Variants in PTH2R observed in about 807,000 individuals in gnomAD.
PTH2R encodes the protein parathyroid hormone 2 receptor.
Under a neutral mutation model 60.3 loss-of-function variants are expected in PTH2R, and 59 were observed. That is an observed-to-expected ratio of 0.98 (90% CI 0.79 to 1.22). The LOEUF is 1.22. PTH2R is among the 50% of genes most tolerant of loss of function. The pLI is 0.00. For missense variants in PTH2R, 749 were observed against 682.6 expected, an observed-to-expected ratio of 1.10 and a Z score of -1.08; for synonymous variants, 256 against 243.8, an observed-to-expected ratio of 1.05 and a Z score of -0.47.
chr2:208,441,666 G>A (rs1445800740), intron 4 of PTH2R, among the ~76,000 whole-genome samples: 1 of 152,216 alleles, frequency 6.6e-6, no homozygotes, highest in Non-Finnish European at 1.5e-5. Context: ...TTGGCATGGT[G>A]GAGAGGAGGA....
At chr2:208,425,483 C>G (rs552252442) in intron 1 of PTH2R, among the ~76,000 whole-genome samples, 4 of 152,208 alleles carry the variant, frequency 2.6e-5, no homozygotes, top group Admixed American at 1.3e-4. Flanking sequence ...TAATCTACCT[C>G]TTAATTTGCA....
chr2:208,377,450 G>T (rs1431579045), intron 1 of PTH2R, among the ~76,000 whole-genome samples: 1 of 127,346 alleles, frequency 7.9e-6, no homozygotes, highest in Non-Finnish European at 1.8e-5. Context: ...AGGGGCGGCC[G>T]GGCAGAGGTG....
intron 1 of PTH2R, among the ~76,000 whole-genome samples, chr2:208,370,141 T>C (rs1418649052): frequency 6.6e-6 from 1 of 151,998 alleles, no homozygotes; most frequent in Non-Finnish European, 1.5e-5. Flanking sequence ...GTCTAATCTA[T>C]ATCATTTAAA....
chr2:208,419,610 C>A (rs1701710491), intron 1 of PTH2R, among the ~76,000 whole-genome samples: 1 of 152,182 alleles, frequency 6.6e-6, no homozygotes, highest in South Asian at 2.1e-4. Flanking sequence ...TGCCTATGTC[C>A]TGAATGGTAT....
chr2:208,457,892 C>T (rs1195022676), intron 8 of PTH2R, among the ~76,000 whole-genome samples: 1 of 152,094 alleles, frequency 6.6e-6, no homozygotes, highest in Non-Finnish European at 1.5e-5. Context: ...ATAGCTTGCT[C>T]ATTAATAAAA....
intron 4 of PTH2R, among the ~76,000 whole-genome samples, chr2:208,438,974 A>G (rs1702130816): frequency 6.6e-6 from 1 of 152,206 alleles, no homozygotes; most frequent in Non-Finnish European, 1.5e-5. Flanking sequence ...GGTACTCTAC[A>G]ATGGAACTAA....
chr2:208,437,784 C>G lies in PTH2R; in HGVS notation c.314C>G (p.Pro105Arg). Residue 105 changes from proline to arginine, a missense_variant, in exon 4 of 13, where the codon CCC (proline) becomes CGC (arginine). Physicochemically the swap from Pro to Arg is moderately radical, Grantham distance 103. Transcript: ENST00000272847. Reference sequence around the variant, plus strand: ...GGAGTTGCTTTCCGACACTGTAACCCCAATGGAACATGGGATTTTATGCAC... The same window carrying G: ...GGAGTTGCTTTCCGACACTGTAACCGCAATGGAACATGGGATTTTATGCAC... ...HKGVAFRHCN[P>R]NGTWDFMHSL... is the part of the protein sequence containing the mutation. 1.2e-6 allele frequency: 2 copies of G among 1,613,746 alleles called. No individual in the cohort carries two copies. Among genetic ancestry groups the G allele is most frequent in the Non-Finnish European group, 1.7e-6 (2 of 1,179,722 alleles).
chr2:208,408,584 T>G (rs1029768917), intron 1 of PTH2R, among the ~76,000 whole-genome samples: 8 of 151,764 alleles, frequency 5.3e-5, no homozygotes, highest in Non-Finnish European at 1.0e-4. Flanking sequence ...CCCAGAACTT[T>G]GGGAGACGGG....
At chr2:208,377,569 C>T (rs1324769228) in intron 1 of PTH2R, among the ~76,000 whole-genome samples, 26 of 147,824 alleles carry the variant, frequency 1.8e-4, no homozygotes, top group South Asian at 2.1e-4. Context: ...GCCTCTGGGA[C>T]GGGGCGGCTG....
At position 208,407,037 on chromosome 2, in the gene PTH2R, T is replaced by G. The variant is rs1701427763; in HGVS notation, c.-7T>G. ...GGTCCCTGCTTCTTCCTACAGCCGTTCCGGGCATGGCCGGGCTGGGGGCGT... is the reference window on the plus strand; with the variant it reads ...GGTCCCTGCTTCTTCCTACAGCCGTGCCGGGCATGGCCGGGCTGGGGGCGT... On this transcript the variant is annotated 5_prime_UTR_variant, in exon 1 of 13. Coordinates refer to ENST00000272847, the MANE Select transcript of PTH2R (RefSeq NM_005048.4). The G allele has an allele frequency of 7.2e-7, 1 of 1,391,924 alleles. No individual in the cohort carries two copies. The highest frequency in any genetic ancestry group is 1.5e-5 in the African/African-American group (1 of 67,078). 86.2% of individuals were successfully genotyped at this position (1,391,924 alleles called of 1,614,324 possible). A position where few individuals can be genotyped will look rare whatever the true frequency, so the allele number is the denominator to read the frequency against.
intron 10 of PTH2R, among the ~76,000 whole-genome samples, chr2:208,484,982 A>T (rs1245147176): frequency 6.6e-6 from 1 of 152,120 alleles, no homozygotes; most frequent in East Asian, 1.9e-4. Flanking sequence ...TTAGGTGGGG[A>T]TGGGTAGAGA....
intron 8 of PTH2R, among the ~76,000 whole-genome samples, chr2:208,456,084 C>CA (rs1281799708): frequency 2.0e-5 from 3 of 151,256 alleles, no homozygotes; most frequent in Admixed American, 6.6e-5. Flanking sequence ...ACTAAAAATG[C>CA]AAAAAAAATT....
intron 1 of PTH2R, among the ~76,000 whole-genome samples, chr2:208,407,780 G>A (rs1283236822): frequency 1.3e-5 from 2 of 152,118 alleles, no homozygotes; most frequent in South Asian, 2.1e-4. Flanking sequence ...CAAATGTAGG[G>A]TTTACAGTCA....
At position 208,450,863 on chromosome 2, in the gene PTH2R, G is replaced by C. The variant is rs552974039; in HGVS notation, c.914+54G>C. On this transcript the variant is annotated intron_variant, in intron 8 of 12. Coordinates refer to ENST00000272847, the MANE Select transcript of PTH2R (RefSeq NM_005048.4). ...AACCTCAGATGTTCTCAAGACTCAG[G>C]CTTCCTGCTCAGAATTCACACTCGC... The C allele has an allele frequency of 1.3e-5, 21 of 1,570,182 alleles. No homozygotes were observed. The Admixed American group carries it at 2.0e-4, about 15-fold the overall frequency.
intron 1 of PTH2R, among the ~76,000 whole-genome samples, chr2:208,381,947 GAATAAAGGTGGGA>G (rs1700923146): frequency 6.6e-6 from 1 of 152,120 alleles, no homozygotes; most frequent in Admixed American, 6.5e-5. Flanking sequence ...GCAAGGATGT[GAATAAAGGTGGGA>G]AATAAAGGTG....
chr2:208,369,211 G>C (rs1700647746), intron 1 of PTH2R, among the ~76,000 whole-genome samples: 1 of 152,042 alleles, frequency 6.6e-6, no homozygotes. Context: ...TTCACAACCT[G>C]TTTTACCCTC....
At chr2:208,477,085 C>G (rs1016794393) in intron 9 of PTH2R, among the ~76,000 whole-genome samples, 1 of 152,172 alleles carries the variant, frequency 6.6e-6, no homozygotes, top group Non-Finnish European at 1.5e-5. Flanking sequence ...GCACGCATAT[C>G]TCATTTGCCT....
At chr2:208,461,189 G>GA in intron 9 of PTH2R, among the ~76,000 whole-genome samples, 1 of 152,042 alleles carries the variant, frequency 6.6e-6, no homozygotes, top group Admixed American at 6.6e-5. Context: ...TATCCTAGGA[G>GA]AAGCTCAAAA....
rs545899822 is a variant in PTH2R at position 208,418,710 on chromosome 2, T to A, written c.76-9491T>A. On this transcript the variant is annotated intron_variant, in intron 1 of 12. Coordinates refer to ENST00000272847, the MANE Select transcript of PTH2R (RefSeq NM_005048.4). ...TTTCTGGTTTATCTTTGAGTTTTGTTTTACAAAAATGTATCTGTATATTTT... is the reference window on the plus strand; with the variant it reads ...TTTCTGGTTTATCTTTGAGTTTTGTATTACAAAAATGTATCTGTATATTTT... 1.9e-3 allele frequency among the ~76,000 whole-genome samples: 284 copies of A among 152,290 alleles called. 3 individuals are homozygous for A. Among genetic ancestry groups the A allele is most frequent in the African/African-American group, 6.7e-3 (278 of 41,588 alleles).
Sources: allele counts gnomAD v4.1 joint callset (sites outside exome capture counted in the v4.1 genomes callset), GRCh38; gene constraint gnomAD v4.1.1; transcripts MANE v1.5; gene names NCBI Gene and HGNC (gene_info 2026-07-23, HGNC 2026-07-21).